CPA6: variants seen among roughly 807,000 people sequenced by gnomAD.
CPA6 encodes carboxypeptidase B.
Under a neutral mutation model 63.3 loss-of-function variants are expected in CPA6, and 58 were observed. The ratio of observed to expected loss-of-function variants is 0.92; its 90% CI spans 0.74 to 1.14. The LOEUF is 1.14. Ranked by LOEUF, CPA6 falls within the 50% of genes most tolerant of loss-of-function variation. CPA6 has a pLI of 0.00. For missense variants in CPA6, 565 were observed against 526.6 expected (o/e 1.07, Z -0.71); for synonymous variants, 185 against 179.0 (o/e 1.03, Z -0.27).
At chr8:67,729,083 C>A (rs1487836396) in intron 1 of CPA6, among the ~76,000 whole-genome samples, 1 of 152,218 alleles carries the variant, frequency 6.6e-6, no homozygotes, top group Non-Finnish European at 1.5e-5. Context: ...GTAACTTGCT[C>A]CTGAAAGCAT....
chr8:67,614,715 C>T (rs1814900333), intron 2 of CPA6, among the ~76,000 whole-genome samples: 2 of 152,180 alleles, frequency 1.3e-5, no homozygotes, highest in African/African-American at 4.8e-5. Context: ...CCATCCAGTA[C>T]ATGCCCACAT....
chr8:67,502,213 C>G (rs2128963925), intron 6 of CPA6, among the ~76,000 whole-genome samples: 1 of 152,228 alleles, frequency 6.6e-6, no homozygotes, highest in Non-Finnish European at 1.5e-5. Flanking sequence ...CCTATAATCC[C>G]AGCACTTTGG....
In CPA6 at chr8:67,612,471, C is replaced by T. The variant is rs887809465; in HGVS notation, c.192+11705G>A. ...AATGTCTTTTCCCTTATGCTTCATGCTCTCTGTACCTTCTCCTTTCTTCTT... is the reference window on the plus strand; with the variant it reads ...AATGTCTTTTCCCTTATGCTTCATGTTCTCTGTACCTTCTCCTTTCTTCTT... On this transcript the variant is annotated intron_variant, in intron 2 of 10. Coordinates refer to ENST00000297770, the MANE Select transcript of CPA6 (RefSeq NM_020361.5). 8.5e-5 allele frequency among the ~76,000 whole-genome samples: 13 copies of T among 152,186 alleles called. 1 individual carries two copies. The highest frequency in any genetic ancestry group is 7.9e-4 in the Admixed American group (12 of 15,280).
chr8:67,591,386 T>C (rs1215707657), intron 2 of CPA6, among the ~76,000 whole-genome samples: 28 of 152,186 alleles, frequency 1.8e-4, no homozygotes, highest in Non-Finnish European at 1.5e-5. Flanking sequence ...TTTGGTTCCA[T>C]ATGAACTTTA....
chr8:67,498,535 CAAAAAAAAAA>C (rs397940852), intron 6 of CPA6, among the ~76,000 whole-genome samples: 47 of 33,174 alleles, frequency 1.4e-3, no homozygotes, highest in African/African-American at 2.7e-3. Flanking sequence ...GACTCCATCT[CAAAAAAAAAA>C]AAAAAAAAAA....
intron 8 of CPA6, among the ~76,000 whole-genome samples, chr8:67,446,459 T>C (rs1349610565): frequency 6.6e-6 from 1 of 152,144 alleles, no homozygotes; most frequent in African/African-American, 2.4e-5. Context: ...TTCTGTCATA[T>C]TATCTCAATT....
chr8:67,605,811 T>G, intron 2 of CPA6, among the ~76,000 whole-genome samples: 1 of 152,122 alleles, frequency 6.6e-6, no homozygotes. Flanking sequence ...TTTTGCACCA[T>G]GTGGTGATTT....
At chr8:67,722,313 T>A (rs73254238) in intron 1 of CPA6, among the ~76,000 whole-genome samples, 3,410 of 152,276 alleles carry the variant, frequency 0.022, 113 homozygotes, top group African/African-American at 0.072. Context: ...CACCTGGTAA[T>A]CACTGAAAAA....
At chr8:67,452,961 G>T (rs567097417) in intron 8 of CPA6, among the ~76,000 whole-genome samples, 32 of 152,308 alleles carry the variant, frequency 2.1e-4, no homozygotes, top group African/African-American at 7.5e-4. Flanking sequence ...ATCAATCGAT[G>T]GGGGACCAGA....
rs762395117 is a variant in CPA6, at chr8:67,552,774, C to CAAAAAAAAAA, written c.193-34737_193-34728dup. ...CCTGGGTGACAGAGCAAGACTGTCT[C>CAAAAAAAAAA]AAAAAAAAAAAAAAAAAAAAAAAAA... On this transcript the variant is annotated intron_variant, in intron 2 of 10. Coordinates refer to ENST00000297770, the MANE Select transcript of CPA6 (RefSeq NM_020361.5). Among the ~76,000 whole-genome samples, 161 of 20,822 alleles carry CAAAAAAAAAA rather than the reference C, an allele frequency of 7.7e-3. 1 individual carries two copies. Among genetic ancestry groups the CAAAAAAAAAA allele is most frequent in the Admixed American group, 0.013 (14 of 1,110 alleles). The allele number at this position is 20,822 out of a possible 152,430, so 13.7% of individuals were successfully genotyped here.
chr8:67,664,216 C>T (rs909968106), intron 1 of CPA6, among the ~76,000 whole-genome samples: 7 of 152,140 alleles, frequency 4.6e-5, no homozygotes, highest in Non-Finnish European at 7.4e-5. Flanking sequence ...TTCCACCTTG[C>T]GAGGTGAGAG....
intron 2 of CPA6, among the ~76,000 whole-genome samples, chr8:67,536,447 T>C (rs2128969882): frequency 6.6e-6 from 1 of 152,314 alleles, no homozygotes; most frequent in Middle Eastern, 3.4e-3. Context: ...TATTTTATTC[T>C]CTTTGTAGCA....
chr8:67,568,733 G>T (rs1737793067), intron 2 of CPA6, among the ~76,000 whole-genome samples: 1 of 152,054 alleles, frequency 6.6e-6, no homozygotes, highest in South Asian at 2.1e-4. Context: ...AGAGAAAACG[G>T]GCCAGGAAGT....
intron 3 of CPA6, among the ~76,000 whole-genome samples, chr8:67,514,686 T>C (rs1001163088): frequency 6.6e-6 from 1 of 152,216 alleles, no homozygotes; most frequent in Non-Finnish European, 1.5e-5. Context: ...CCACATGACC[T>C]ATATTTAATG....
At chr8:67,639,361 C>T (rs550497794) in intron 1 of CPA6, among the ~76,000 whole-genome samples, 1 of 151,626 alleles carries the variant, frequency 6.6e-6, no homozygotes, top group East Asian at 1.9e-4. Context: ...GGCCTGGATC[C>T]CATGCCTGCC....
At chr8:67,565,344 C>T (rs1032104152) in intron 2 of CPA6, among the ~76,000 whole-genome samples, 1 of 152,146 alleles carries the variant, frequency 6.6e-6, no homozygotes. Context: ...TGACAAGAAA[C>T]GTTCTGTCAG....
intron 1 of CPA6, among the ~76,000 whole-genome samples, chr8:67,726,855 A>G (rs1407319378): frequency 2.6e-5 from 4 of 152,222 alleles, no homozygotes; most frequent in South Asian, 2.1e-4. Flanking sequence ...GGAATATTCA[A>G]TAATCTCATT....
At chr8:67,476,640 C>T (rs1811246346) in intron 8 of CPA6, among the ~76,000 whole-genome samples, 1 of 151,070 alleles carries the variant, frequency 6.6e-6, no homozygotes, top group Non-Finnish European at 1.5e-5. Flanking sequence ...TCTGCAGTTA[C>T]ACATTGTTTA....
intron 1 of CPA6, among the ~76,000 whole-genome samples, chr8:67,743,756 G>T (rs1330715631): frequency 6.6e-6 from 1 of 152,074 alleles, no homozygotes; most frequent in Non-Finnish European, 1.5e-5. Flanking sequence ...ACTCTCAGGA[G>T]GCATGCTGGT....
Sources: gnomAD v4.1 joint callset for allele counts (sites outside exome capture counted in the v4.1 genomes callset) on GRCh38, gnomAD v4.1.1 for gene constraint, MANE v1.5 for transcripts, NCBI Gene and HGNC (gene_info 2026-07-23, HGNC 2026-07-21) for gene names.